The following SGCZ variants were observed in gnomAD, a reference collection of about 807,000 sequenced individuals.
SGCZ encodes sarcoglycan zeta.
A neutral mutation model predicts 41.3 loss-of-function variants in SGCZ; 40 were observed. That is an observed-to-expected ratio of 0.97 (90% CI 0.75 to 1.26). The LOEUF (loss-of-function observed/expected upper bound fraction) is 1.26, where lower values mean the gene tolerates loss of function less well. SGCZ is among the 50% of genes most tolerant of loss of function. The pLI, the probability that SGCZ is intolerant of heterozygous loss-of-function variation, is 0.00. For missense variants in SGCZ, 552 were observed against 369.8 expected, an observed-to-expected ratio of 1.49 and a Z score of -4.04; for synonymous variants, 206 against 137.5, an observed-to-expected ratio of 1.50 and a Z score of -3.49.
rs1269502253 is a variant in SGCZ at position 14,088,500 on chromosome 8, T to C, written c.*1943A>G. ...ACATAATTTCTCAATATTTCTTGTATTATACTTTATTTTGCAAAGACCAAT... is the reference window on the plus strand; with the variant it reads ...ACATAATTTCTCAATATTTCTTGTACTATACTTTATTTTGCAAAGACCAAT... On this transcript the variant is annotated 3_prime_UTR_variant, in exon 8 of 8. Coordinates refer to ENST00000382080, the MANE Select transcript of SGCZ (RefSeq NM_139167.4). Among the ~76,000 whole-genome samples the C allele has an allele frequency of 6.6e-6, 1 of 151,860 alleles. No homozygotes were observed. Among genetic ancestry groups the C allele is most frequent in the Admixed American group, 6.6e-5 (1 of 15,212 alleles).
chr8:14,768,564 T>C (rs1381208814), intron 1 of SGCZ, among the ~76,000 whole-genome samples: 2 of 152,198 alleles, frequency 1.3e-5, no homozygotes, highest in Non-Finnish European at 2.9e-5. Context: ...TAACTGAAAG[T>C]TAAAATTATG....
At chr8:14,406,701 A>G (rs1799220053) in intron 2 of SGCZ, among the ~76,000 whole-genome samples, 1 of 137,300 alleles carries the variant, frequency 7.3e-6, no homozygotes, top group South Asian at 2.1e-4. Context: ...AATCCCTGAA[A>G]ATTACTGCCC....
intron 1 of SGCZ, among the ~76,000 whole-genome samples, chr8:15,196,525 T>C (rs1447265200): frequency 6.6e-6 from 1 of 151,272 alleles, no homozygotes; most frequent in African/African-American, 2.4e-5. Flanking sequence ...AAAACTAAGA[T>C]TGTATTATAT....
At chr8:14,874,308 G>C (rs567372215) in intron 1 of SGCZ, among the ~76,000 whole-genome samples, 92 of 151,998 alleles carry the variant, frequency 6.1e-4, no homozygotes, top group African/African-American at 2.2e-3. Flanking sequence ...ATTTACCTTG[G>C]GCTTCTTGAA....
intron 2 of SGCZ, among the ~76,000 whole-genome samples, chr8:14,508,304 C>G (rs146405732): frequency 6.6e-6 from 1 of 151,910 alleles, no homozygotes; most frequent in Non-Finnish European, 1.5e-5. Context: ...TATGAGGACC[C>G]CAAAATACAT....
chr8:14,278,975 T>C (rs1249993165), intron 3 of SGCZ, among the ~76,000 whole-genome samples: 1 of 152,130 alleles, frequency 6.6e-6, no homozygotes, highest in African/African-American at 2.4e-5. Flanking sequence ...AATTTATGTG[T>C]TAAAGAAATG....
chr8:15,091,038 G>A (rs1227084889), intron 1 of SGCZ, among the ~76,000 whole-genome samples: 2 of 152,074 alleles, frequency 1.3e-5, no homozygotes, highest in South Asian at 4.2e-4. Flanking sequence ...GAATGAAAAT[G>A]GAGTAATCTA....
At chr8:14,106,647 A>G (rs778970908) in intron 6 of SGCZ, among the ~76,000 whole-genome samples, 2 of 152,148 alleles carry the variant, frequency 1.3e-5, no homozygotes, top group African/African-American at 2.4e-5. Flanking sequence ...GTACATATAC[A>G]CTCATCCAAT....
At chr8:14,316,939 T>C (rs1047760171) in intron 3 of SGCZ, among the ~76,000 whole-genome samples, 4 of 151,818 alleles carry the variant, frequency 2.6e-5, no homozygotes, top group African/African-American at 9.7e-5. Flanking sequence ...TCCACAACTG[T>C]GCTCCTAACC....
At chr8:14,195,435 C>A (rs1805237351) in intron 4 of SGCZ, among the ~76,000 whole-genome samples, 1 of 152,048 alleles carries the variant, frequency 6.6e-6, no homozygotes, top group South Asian at 2.1e-4. Flanking sequence ...AGTTCACGTA[C>A]TTAGAATTTG....
chr8:15,121,134 A>G (rs1489288349), intron 1 of SGCZ, among the ~76,000 whole-genome samples: 1 of 152,220 alleles, frequency 6.6e-6, no homozygotes, highest in Non-Finnish European at 1.5e-5. Flanking sequence ...CACTCAATGT[A>G]TGATGCAATT....
intron 7 of SGCZ, among the ~76,000 whole-genome samples, chr8:14,099,953 A>G (rs1801961567): frequency 6.6e-6 from 1 of 151,940 alleles, no homozygotes; most frequent in Non-Finnish European, 1.5e-5. Context: ...TTCATCCATC[A>G]TTTCATCCAT....
chr8:14,778,682 C>T (rs1359462728), intron 1 of SGCZ, among the ~76,000 whole-genome samples: 2 of 152,152 alleles, frequency 1.3e-5, no homozygotes, highest in East Asian at 3.9e-4. Context: ...ATCAATATTT[C>T]AATGACGAGG....
chr8:14,666,553 T>C (rs1360477124), intron 1 of SGCZ, among the ~76,000 whole-genome samples: 1 of 152,108 alleles, frequency 6.6e-6, no homozygotes, highest in African/African-American at 2.4e-5. Flanking sequence ...TCAGCACAAC[T>C]ATTTGCCTGG....
chr8:15,226,217 G>T (rs1196224941), intron 1 of SGCZ, among the ~76,000 whole-genome samples: 2 of 152,170 alleles, frequency 1.3e-5, no homozygotes, highest in Non-Finnish European at 2.9e-5. Flanking sequence ...CTGGCTCACT[G>T]TGTAAGCATA....
rs543911082 is a variant in SGCZ at position 14,588,824 on chromosome 8, A to G, written c.40-33898T>C. On this transcript the variant is annotated intron_variant, in intron 1 of 7. Transcript: ENST00000382080. ...GTAAATTATTTTTAGAATGTTATCA[A>G]TTAAATTTACCCTCTGGGATTTGGT... Among the ~76,000 whole-genome samples, 38 of 152,270 alleles carry G rather than the reference A, an allele frequency of 2.5e-4. 2 individuals are homozygous for G. In the South Asian group the frequency reaches 7.9e-3, roughly 32 times the overall value.
chr8:14,961,097 A>C (rs981625580), intron 1 of SGCZ, among the ~76,000 whole-genome samples: 3 of 152,222 alleles, frequency 2.0e-5, no homozygotes, highest in Middle Eastern at 3.4e-3. Context: ...GCTGTGAATC[A>C]ATGCATCAGT....
At chr8:14,480,463 C>T (rs1801504484) in intron 2 of SGCZ, among the ~76,000 whole-genome samples, 1 of 152,142 alleles carries the variant, frequency 6.6e-6, no homozygotes, top group African/African-American at 2.4e-5. Context: ...TCTATTATTT[C>T]AATGTTTACC....
intron 2 of SGCZ, among the ~76,000 whole-genome samples, chr8:14,395,821 T>C (rs952315528): frequency 2.0e-5 from 3 of 152,178 alleles, no homozygotes; most frequent in Non-Finnish European, 4.4e-5. Context: ...ATCTGGCACA[T>C]AATGCCTAAA....
Sources: gnomAD v4.1 joint callset for allele counts (sites outside exome capture counted in the v4.1 genomes callset) on GRCh38, gnomAD v4.1.1 for gene constraint, MANE v1.5 for transcripts, NCBI Gene and HGNC (gene_info 2026-07-23, HGNC 2026-07-21) for gene names.